The following KALRN variants were observed in gnomAD, a reference collection of about 807,000 sequenced individuals.
KALRN encodes kalirin.
Under a neutral mutation model 353.7 loss-of-function variants are expected in KALRN, and 70 were observed. The observed-to-expected ratio is 0.20, with a 90% CI of 0.16 to 0.24. KALRN has a LOEUF of 0.24. Ranked by LOEUF, KALRN falls within the 10% of genes least tolerant of loss-of-function variation. The pLI is 1.00. For missense variants in KALRN, 2,791 were observed against 3,756.7 expected (o/e 0.74, Z 6.72); for synonymous variants, 1,391 against 1,434.8 (o/e 0.97, Z 0.69).
At chr3:124,491,737 C>A (rs769542266) in intron 31 of KALRN, 1 of 233,806 alleles carries the variant, frequency 4.3e-6, no homozygotes, top group Non-Finnish European at 8.2e-6. Context: ...CTTCAAGTGG[C>A]AAGAACAATT....
At chr3:124,095,108 C>T (rs1205622956) in intron 1 of KALRN, among the ~76,000 whole-genome samples, 9 of 152,070 alleles carry the variant, frequency 5.9e-5, no homozygotes, top group Non-Finnish European at 1.2e-4. Context: ...AGCTGGGAAT[C>T]GGGAGCACAG....
chr3:124,562,093 A>G (rs1287827724), intron 33 of KALRN, among the ~76,000 whole-genome samples: 1 of 152,148 alleles, frequency 6.6e-6, no homozygotes, highest in Non-Finnish European at 1.5e-5. Context: ...GGCTGGGCGT[A>G]TGCTCCTAAG....
At position 124,691,323 on chromosome 3, in the gene KALRN, GA is replaced by G. The variant is rs1201557058; in HGVS notation, c.7378-2480del. ...CATGCCTGTAATCCCAGCTACTCGG[GA>G]GGCTGAGGCAGGGGAATCACTTGAA... is the stretch of plus-strand genomic sequence containing the variant. On this transcript the variant is annotated intron_variant, in intron 51 of 59. Coordinates refer to ENST00000682506, the MANE Select transcript of KALRN (RefSeq NM_001388419.1). Among the ~76,000 whole-genome samples the G allele has an allele frequency of 2.0e-5, 3 of 152,224 alleles. No individual in the cohort carries two copies. In the East Asian group the frequency reaches 5.8e-4, roughly 29 times the overall value.
chr3:124,444,169 T>C (rs1009116784), intron 19 of KALRN, among the ~76,000 whole-genome samples: 1 of 152,252 alleles, frequency 6.6e-6, no homozygotes, highest in African/African-American at 2.4e-5. Context: ...GCAGTTGTGC[T>C]TCAGTCTGCA....
At chr3:124,409,288 C>G (rs796227386) in intron 13 of KALRN, among the ~76,000 whole-genome samples, 4 of 152,322 alleles carry the variant, frequency 2.6e-5, no homozygotes, top group African/African-American at 9.6e-5. Flanking sequence ...TCACTGGCTT[C>G]AGGCCCTAGT....
chr3:124,186,267 C>T (rs1395317976), intron 1 of KALRN, among the ~76,000 whole-genome samples: 2 of 152,148 alleles, frequency 1.3e-5, no homozygotes, highest in African/African-American at 4.8e-5. Context: ...TGTCAGGCGT[C>T]TCTTGAAGAC....
intron 34 of KALRN, among the ~76,000 whole-genome samples, chr3:124,623,291 G>A (rs1041175491): frequency 3.3e-5 from 5 of 151,520 alleles, no homozygotes; most frequent in Admixed American, 6.6e-5. Flanking sequence ...GAGCCGGTGC[G>A]CCTGGCCTAT....
intron 5 of KALRN, among the ~76,000 whole-genome samples, chr3:124,287,371 C>T (rs2076004289): frequency 6.6e-6 from 1 of 151,986 alleles, no homozygotes; most frequent in African/African-American, 2.4e-5. Flanking sequence ...TCCTCTGCAT[C>T]TCCCTCCACT....
At chr3:124,295,661 T>C (rs2076790645) in intron 5 of KALRN, among the ~76,000 whole-genome samples, 1 of 152,050 alleles carries the variant, frequency 6.6e-6, no homozygotes, top group African/African-American at 2.4e-5. Flanking sequence ...TCCAAGAAAG[T>C]GTATGGAGTG....
intron 34 of KALRN, among the ~76,000 whole-genome samples, chr3:124,597,135 A>C (rs752450229): frequency 9.2e-5 from 14 of 152,230 alleles, no homozygotes; most frequent in Non-Finnish European, 1.8e-4. Flanking sequence ...CAACCATCAC[A>C]TTCAGATGGT....
chr3:124,152,585 CTTTCTTTCTTTTTTTTTTTTTTT>C, intron 1 of KALRN: 5 of 579,992 alleles, frequency 8.6e-6, no homozygotes, highest in Non-Finnish European at 1.5e-5. Flanking sequence ...TTCTTTCTTT[CTTTCTTTCTTTTTTTTTTTTTTT>C]TTTGAGACAG....
Position 124,413,479 on chromosome 3 carries a change from G to T in KALRN, c.2356G>T (p.Glu786Ter). Reference protein sequence around the residue: ...FEQYTIEVTAELDAWNEDLLR... With the variant: ...FEQYTIEVTA ...AGTGGTTCCCTCACAGGTGACAGCA[G>T]AGCTAGACGCCTGGAATGAAGACTT... is the stretch of plus-strand genomic sequence containing the variant. Residue 786 changes from glutamate (E) to a stop codon, truncating the protein, a stop_gained, in exon 14 of 60, where the codon GAG (glutamate) becomes TAG (stop). Coordinates refer to ENST00000682506, the MANE Select transcript of KALRN (RefSeq NM_001388419.1). LOFTEE classifies it high-confidence loss of function. 1 of 1,613,968 alleles carries T rather than the reference G, an allele frequency of 6.2e-7. No homozygotes were observed. The highest frequency in any genetic ancestry group is 1.1e-5 in the South Asian group (1 of 91,018).
intron 6 of KALRN, among the ~76,000 whole-genome samples, chr3:124,322,005 G>T (rs1157906628): frequency 6.6e-6 from 1 of 152,232 alleles, no homozygotes; most frequent in Non-Finnish European, 1.5e-5. Flanking sequence ...AGAATTATTA[G>T]TCAAGTTATT....
chr3:124,190,301 T>C (rs1448341126), intron 1 of KALRN, among the ~76,000 whole-genome samples: 1 of 152,194 alleles, frequency 6.6e-6, no homozygotes, highest in Non-Finnish European at 1.5e-5. Flanking sequence ...GGGCCTCTGA[T>C]GTTCTCCCCA....
chr3:124,390,853 C>T (rs1483676604), intron 11 of KALRN, among the ~76,000 whole-genome samples: 6 of 152,102 alleles, frequency 3.9e-5, no homozygotes, highest in Non-Finnish European at 8.8e-5. Context: ...TAGGCTCTTC[C>T]TCTCTTGTCT....
intron 1 of KALRN, among the ~76,000 whole-genome samples, chr3:124,063,503 G>A (rs1462531780): frequency 6.6e-6 from 1 of 152,144 alleles, no homozygotes; most frequent in Non-Finnish European, 1.5e-5. Context: ...GAAGTGATGT[G>A]GGTGCGATGG....
intron 33 of KALRN, among the ~76,000 whole-genome samples, chr3:124,503,588 A>G (rs1277995633): frequency 6.6e-6 from 1 of 152,150 alleles, no homozygotes; most frequent in Admixed American, 6.5e-5. Context: ...AGCAGAGAGC[A>G]ACAAAATGCA....
intron 6 of KALRN, among the ~76,000 whole-genome samples, chr3:124,313,211 C>G (rs1215490804): frequency 1.3e-5 from 2 of 152,172 alleles, no homozygotes; most frequent in Non-Finnish European, 1.5e-5. Flanking sequence ...TTCCACTGAT[C>G]CCAAACATCT....
At chr3:124,460,887 T>C (rs745812940) in intron 23 of KALRN, among the ~76,000 whole-genome samples, 3 of 152,194 alleles carry the variant, frequency 2.0e-5, no homozygotes, top group Non-Finnish European at 2.9e-5. Flanking sequence ...GAGAACCCTC[T>C]CTTTAAAGAT....
Sources: gnomAD v4.1 joint callset for allele counts (sites outside exome capture counted in the v4.1 genomes callset) on GRCh38, gnomAD v4.1.1 for gene constraint, MANE v1.5 for transcripts, NCBI Gene and HGNC (gene_info 2026-07-23, HGNC 2026-07-21) for gene names.